WASF1: variants seen among roughly 807,000 people sequenced by gnomAD.
The protein encoded by WASF1 is WASP family member 1.
In WASF1, 7 loss-of-function variants were observed where a neutral mutation model predicts 50.5. The observed-to-expected ratio is 0.14, with a 90% CI of 0.08 to 0.26. The LOEUF is 0.26. Among genes scored for constraint, WASF1 ranks in the 10% least tolerant of loss-of-function variants. WASF1 has a pLI of 1.00. For missense variants in WASF1, 470 were observed against 694.7 expected, an observed-to-expected ratio of 0.68 and a Z score of 3.64; for synonymous variants, 205 against 244.0, an observed-to-expected ratio of 0.84 and a Z score of 1.49.
Position 110,102,072 on chromosome 6 carries a change from T to A in WASF1, c.1038A>T (p.Ser346=). The A allele has an allele frequency of 2.0e-6, 3 of 1,510,584 alleles. No individual in the cohort carries two copies. The highest frequency in any genetic ancestry group is 2.7e-6 in the Non-Finnish European group (3 of 1,131,092). The allele number at this position is 1,510,584 out of a possible 1,614,324, so 93.6% of individuals were successfully genotyped here. ...STSSLRASMT[S]TPPPPVPPPP... is the part of the protein sequence containing the mutation. ...GGGGAGGTACTGGAGGGGGAGGAGT[T>A]GAAGTCATTGAAGCTCTTAATGAGG... Residue 346 remains serine (S), a synonymous_variant, in exon 10 of 11, where the codon TCA becomes TCT. Coordinates refer to ENST00000392589, the MANE Select transcript of WASF1 (RefSeq NM_003931.3).
intron 8 of WASF1, among the ~76,000 whole-genome samples, chr6:110,104,193 G>C (rs1045386137): frequency 5.9e-5 from 9 of 152,128 alleles, no homozygotes; most frequent in Admixed American, 1.3e-4. Flanking sequence ...AACATGTTAA[G>C]ATTTATAAAT....
chr6:110,116,879 C>G (rs764426833), intron 4 of WASF1, among the ~76,000 whole-genome samples: 28 of 152,028 alleles, frequency 1.8e-4, no homozygotes, highest in African/African-American at 6.5e-4. Context: ...GTGGTGATAC[C>G]CAGGCAAACA....
chr6:110,147,738 A>C (rs1415315579), intron 3 of WASF1, among the ~76,000 whole-genome samples: 1 of 152,118 alleles, frequency 6.6e-6, no homozygotes, highest in Non-Finnish European at 1.5e-5. Context: ...TACTGCACCA[A>C]GGTTATTACT....
At chr6:110,108,026 G>A (rs1773397955) in intron 6 of WASF1, among the ~76,000 whole-genome samples, 1 of 151,320 alleles carries the variant, frequency 6.6e-6, no homozygotes. Flanking sequence ...AGCCGGGCTT[G>A]GTGGCAGGCG....
intron 2 of WASF1, among the ~76,000 whole-genome samples, chr6:110,163,512 G>C (rs924571086): frequency 6.6e-6 from 1 of 151,434 alleles, no homozygotes; most frequent in African/African-American, 2.4e-5. Context: ...CCACTCTCAT[G>C]ATCTAATCAT....
At chr6:110,115,602 T>C (rs1382751149) in intron 4 of WASF1, among the ~76,000 whole-genome samples, 1 of 152,208 alleles carries the variant, frequency 6.6e-6, no homozygotes, top group Non-Finnish European at 1.5e-5. Flanking sequence ...CCCGCAAACA[T>C]GACAGCTCTA....
In WASF1 at chr6:110,178,708, G is replaced by A. The variant is rs1197826488; in HGVS notation, c.-237C>T. On this transcript the variant is annotated 5_prime_UTR_variant, in exon 2 of 11. Transcript: ENST00000392589. Reference sequence around the variant, plus strand: ...TCCAGTTCATCATCCGCAAGTGCAAGAGAAGGTGTCAGAGTACCGAAGCTA... The same window carrying A: ...TCCAGTTCATCATCCGCAAGTGCAAAAGAAGGTGTCAGAGTACCGAAGCTA... 6.5e-6 allele frequency: 1 copy of A among 152,864 alleles called. No homozygotes were observed. Among genetic ancestry groups the A allele is most frequent in the Non-Finnish European group, 1.5e-5 (1 of 68,174 alleles). The allele number at this position is 152,864 out of a possible 1,614,324, so 9.5% of individuals were successfully genotyped here. A position where few individuals can be genotyped will look rare whatever the true frequency, so the allele number is the denominator to read the frequency against.
intron 4 of WASF1, among the ~76,000 whole-genome samples, chr6:110,116,257 AG>A (rs1233606023): frequency 6.6e-6 from 1 of 152,234 alleles, no homozygotes; most frequent in Admixed American, 6.5e-5. Context: ...ACAAGGGGTC[AG>A]GGGATTTCCC....
chr6:110,103,430 G>A lies in WASF1; in HGVS notation c.841C>T (p.Pro281Ser). 6.2e-7 allele frequency: 1 copy of A among 1,613,986 alleles called. No homozygotes were observed. Among genetic ancestry groups the A allele is most frequent in the South Asian group, 1.1e-5 (1 of 91,072 alleles). Residue 281 changes from proline to serine, a missense_variant, in exon 9 of 11, where the codon CCT (proline) becomes TCT (serine). Transcript: ENST00000392589. ...VLVRPHEPPP[P>S]PPMHGAGDAK... ...TCTCCTGCTCCATGCATTGGTGGAGGTGGAGGTGGTTCATGTGGTCTGACT... is the reference window on the plus strand; with the variant it reads ...TCTCCTGCTCCATGCATTGGTGGAGATGGAGGTGGTTCATGTGGTCTGACT...
chr6:110,166,788 T>C (rs551629396), intron 2 of WASF1, among the ~76,000 whole-genome samples: 1 of 151,974 alleles, frequency 6.6e-6, no homozygotes, highest in Non-Finnish European at 1.5e-5. Flanking sequence ...CTGTGGCTAG[T>C]CCTGCCTTCT....
At chr6:110,124,266 C>CTATA (rs1774306927) in intron 4 of WASF1, among the ~76,000 whole-genome samples, 1 of 62,640 alleles carries the variant, frequency 1.6e-5, no homozygotes, top group African/African-American at 8.5e-5. Context: ...CTCTCTCTCT[C>CTATA]TCTCTCTCTA....
intron 3 of WASF1, among the ~76,000 whole-genome samples, chr6:110,146,718 T>C (rs1480586316): frequency 1.3e-5 from 2 of 152,246 alleles, no homozygotes; most frequent in Admixed American, 1.3e-4. Context: ...AACTGTTTCA[T>C]TATTGTAAAC....
intron 2 of WASF1, 95 bp downstream of exon 2, chr6:110,178,503 G>A (rs755382145): frequency 5.2e-5 from 8 of 152,466 alleles, no homozygotes; most frequent in South Asian, 2.1e-4. Flanking sequence ...TTAGCTAATC[G>A]TGAATCTAAC....
At chr6:110,125,121 A>G (rs1354247248) in intron 4 of WASF1, among the ~76,000 whole-genome samples, 1 of 152,198 alleles carries the variant, frequency 6.6e-6, no homozygotes, top group African/African-American at 2.4e-5. Context: ...TATCTAATAC[A>G]TCAATTGTTA....
At chr6:110,135,857 A>C (rs1774934271) in intron 3 of WASF1, among the ~76,000 whole-genome samples, 2 of 142,380 alleles carry the variant, frequency 1.4e-5, no homozygotes, top group South Asian at 4.5e-4. Context: ...TACATCCATG[A>C]GAGAAAACAG....
intron 4 of WASF1, among the ~76,000 whole-genome samples, chr6:110,122,151 C>A (rs538750854): frequency 6.6e-6 from 1 of 150,522 alleles, no homozygotes; most frequent in Non-Finnish European, 1.5e-5. Context: ...AACCTGCACA[C>A]TATGCACATG....
At chr6:110,136,726 TAC>T (rs1384889056) in intron 3 of WASF1, among the ~76,000 whole-genome samples, 3 of 152,246 alleles carry the variant, frequency 2.0e-5, no homozygotes, top group Admixed American at 1.3e-4. Context: ...CTTCACAGAA[TAC>T]AGTTAGCTGC....
chr6:110,119,729 C>T (rs577543294), intron 4 of WASF1, among the ~76,000 whole-genome samples: 21 of 152,212 alleles, frequency 1.4e-4, no homozygotes, highest in African/African-American at 4.8e-4. Flanking sequence ...CTGGTAGAGA[C>T]ACAACAAAAA....
chr6:110,105,300 A>T (rs908529019), intron 8 of WASF1, 107 bp downstream of exon 8: 2 of 1,154,926 alleles, frequency 1.7e-6, no homozygotes, highest in Middle Eastern at 2.7e-4. Context: ...TATATTTATA[A>T]CAGGGTCTGC....
Sources: allele counts gnomAD v4.1 joint callset (sites outside exome capture counted in the v4.1 genomes callset), GRCh38; gene constraint gnomAD v4.1.1; transcripts MANE v1.5; gene names NCBI Gene and HGNC (gene_info 2026-07-23, HGNC 2026-07-21).